Variants in VWC2L observed in about 807,000 individuals in gnomAD.
VWC2L encodes von Willebrand factor C domain containing 2 like, also known as von Willebrand factor C domain-containing protein 2-like.
VWC2L carries 10 observed loss-of-function variants against 21.6 expected under a neutral mutation model. That is an observed-to-expected ratio of 0.46 (90% confidence interval 0.29 to 0.78). The LOEUF is 0.78. Ranked by LOEUF, VWC2L falls within the 30% of genes least tolerant of loss-of-function variation. VWC2L has a pLI of 0.10. For missense variants in VWC2L, 209 were observed against 277.1 expected (o/e 0.75, Z 1.74); for synonymous variants, 96 against 94.3 (o/e 1.02, Z -0.10).
chr2:214,421,155 T>C (rs776043519), intron 2 of VWC2L, among the ~76,000 whole-genome samples: 1 of 152,216 alleles, frequency 6.6e-6, no homozygotes, highest in Non-Finnish European at 1.5e-5. Context: ...CCCACAAAAG[T>C]ACACTAAAAG....
intron 3 of VWC2L, among the ~76,000 whole-genome samples, chr2:214,479,642 TA>T (rs1411119504): frequency 6.6e-6 from 1 of 152,044 alleles, no homozygotes; most frequent in Non-Finnish European, 1.5e-5. Context: ...CCATCTCTAC[TA>T]AAAATATAAA....
Position 214,455,773 on chromosome 2 carries a change from T to C in VWC2L, c.520+19015T>C, listed in dbSNP as rs564764254. On this transcript the variant is annotated intron_variant, in intron 3 of 3. Transcript: ENST00000312504. ...GCTCCATTAGATTAACTTTCTTAGC[T>C]CCCACATGTAAGTGTAAACATGTGA... Among the ~76,000 whole-genome samples, 3 of 152,300 alleles carry C rather than the reference T, an allele frequency of 2.0e-5. No homozygotes were observed. The South Asian group carries it at 6.2e-4, about 32-fold the overall frequency.
intron 3 of VWC2L, among the ~76,000 whole-genome samples, chr2:214,504,278 T>C (rs1688937262): frequency 6.6e-6 from 1 of 152,220 alleles, no homozygotes; most frequent in Non-Finnish European, 1.5e-5. Flanking sequence ...TTGGTTGGAA[T>C]GAGTGATGTT....
At chr2:214,488,698 A>C (rs1688706737) in intron 3 of VWC2L, among the ~76,000 whole-genome samples, 1 of 152,174 alleles carries the variant, frequency 6.6e-6, no homozygotes, top group African/African-American at 2.4e-5. Context: ...GAAAGAAAAA[A>C]GGTTTAATTG....
intron 3 of VWC2L, chr2:214,525,048 C>T (rs1689308310): frequency 2.6e-4 from 3 of 11,486 alleles, no homozygotes; most frequent in South Asian, 9.6e-3. Flanking sequence ...CTGCCTCACA[C>T]ACACACACAC....
intron 3 of VWC2L, among the ~76,000 whole-genome samples, chr2:214,443,180 A>G (rs1161811741): frequency 2.0e-5 from 3 of 152,080 alleles, no homozygotes; most frequent in Non-Finnish European, 4.4e-5. Context: ...GGAATTGGAG[A>G]CCAGCCTGGC....
chr2:214,480,864 C>A (rs1423360657), intron 3 of VWC2L, among the ~76,000 whole-genome samples: 16 of 71,758 alleles, frequency 2.2e-4, no homozygotes, highest in Non-Finnish European at 3.7e-4. Context: ...TATGCCAAGC[C>A]AAAAAAAAAA....
At chr2:214,451,531 G>A (rs575183637) in intron 3 of VWC2L, among the ~76,000 whole-genome samples, 1 of 152,228 alleles carries the variant, frequency 6.6e-6, no homozygotes, top group African/African-American at 2.4e-5. Flanking sequence ...AAATAGGTGG[G>A]AGATACCAGG....
chr2:214,479,407 T>G (rs1688570232), intron 3 of VWC2L, among the ~76,000 whole-genome samples: 1 of 152,236 alleles, frequency 6.6e-6, no homozygotes, highest in African/African-American at 2.4e-5. Context: ...ACTATAAAAC[T>G]TTGAATTTTT....
chr2:214,550,197 T>A (rs888662105), intron 3 of VWC2L, among the ~76,000 whole-genome samples: 1 of 152,148 alleles, frequency 6.6e-6, no homozygotes, highest in Non-Finnish European at 1.5e-5. Context: ...GGAATGAAAA[T>A]GAACATCATA....
intron 3 of VWC2L, among the ~76,000 whole-genome samples, chr2:214,572,832 G>T (rs1245912294): frequency 2.0e-5 from 3 of 152,102 alleles, no homozygotes; most frequent in East Asian, 3.9e-4. Context: ...AGGAATTTTT[G>T]ATTCTGTAAA....
chr2:214,553,829 C>A (rs933076115), intron 3 of VWC2L, among the ~76,000 whole-genome samples: 10 of 152,206 alleles, frequency 6.6e-5, no homozygotes, highest in East Asian at 5.8e-4. Flanking sequence ...CATCAGTTGG[C>A]TGAGAGGCTT....
At position 214,477,046 on chromosome 2, in the gene VWC2L, G is replaced by A. The variant is rs529318691; in HGVS notation, c.520+40288G>A. Among the ~76,000 whole-genome samples the A allele has an allele frequency of 3.3e-4, 51 of 152,314 alleles. No homozygotes were observed. The South Asian group carries it at 9.8e-3, about 29-fold the overall frequency. On this transcript the variant is annotated intron_variant, in intron 3 of 3. Transcript: ENST00000312504. Reference sequence around the variant, plus strand: ...GGTTCTGAAGAGGAAAAAAAGGAAAGAAAAGGGTTGCCACTGTTAATTTAT... The same window carrying A: ...GGTTCTGAAGAGGAAAAAAAGGAAAAAAAAGGGTTGCCACTGTTAATTTAT...
chr2:214,496,577 G>A lies in VWC2L; in HGVS notation c.520+59819G>A, dbSNP rs1414629541. On this transcript the variant is annotated intron_variant, in intron 3 of 3. Transcript: ENST00000312504. ...AACAGTCTGCTTCATCCACATTGGG[G>A]TTTTATTTGAACAGTACAGAGCAAA... 3.3e-5 allele frequency among the ~76,000 whole-genome samples: 5 copies of A among 152,116 alleles called. No homozygotes were observed. The East Asian group carries it at 9.6e-4, about 29-fold the overall frequency.
intron 3 of VWC2L, among the ~76,000 whole-genome samples, chr2:214,526,725 T>A (rs1689344951): frequency 1.3e-5 from 2 of 152,178 alleles, no homozygotes; most frequent in African/African-American, 4.8e-5. Flanking sequence ...AACTCTCTGA[T>A]GAAGAAAAAA....
chr2:214,543,293 CAT>C (rs2105921813), intron 3 of VWC2L, among the ~76,000 whole-genome samples: 1 of 152,298 alleles, frequency 6.6e-6, no homozygotes, highest in East Asian at 1.9e-4. Context: ...CTCAATTCTC[CAT>C]AGAGTGTTTA....
chr2:214,495,201 G>A (rs763186496), intron 3 of VWC2L, among the ~76,000 whole-genome samples: 1 of 152,048 alleles, frequency 6.6e-6, no homozygotes, highest in East Asian at 1.9e-4. Context: ...TGAGAGCTGT[G>A]GAAATTAAAT....
intron 3 of VWC2L, among the ~76,000 whole-genome samples, chr2:214,537,767 T>C (rs1689558898): frequency 6.6e-6 from 1 of 152,052 alleles, no homozygotes; most frequent in Admixed American, 6.6e-5. Context: ...AATGAACAAA[T>C]ATATTCAGGC....
chr2:214,511,271 GA>G (rs139344122), intron 3 of VWC2L, among the ~76,000 whole-genome samples: 2 of 151,016 alleles, frequency 1.3e-5, no homozygotes, highest in African/African-American at 4.9e-5. Context: ...TTTCAAAAAA[GA>G]AAAAAAAATT....
Sources: gnomAD v4.1 joint callset for allele counts (sites outside exome capture counted in the v4.1 genomes callset) on GRCh38, gnomAD v4.1.1 for gene constraint, MANE v1.5 for transcripts, NCBI Gene and HGNC (gene_info 2026-07-23, HGNC 2026-07-21) for gene names.